Variants in VPS35L observed in about 807,000 individuals in gnomAD.
The protein encoded by VPS35L is VPS35 endosomal protein-sorting factor-like.
A neutral mutation model predicts 133.0 loss-of-function variants in VPS35L; 83 were observed. That is an observed-to-expected ratio of 0.62 (90% CI 0.52 to 0.75). The LOEUF is 0.75. Among genes scored for constraint, VPS35L ranks in the 30% least tolerant of loss-of-function variants. The pLI is 0.00. For missense variants in VPS35L, 1,083 were observed against 1,206.8 expected (o/e 0.90, Z 1.52); for synonymous variants, 423 against 449.9 (o/e 0.94, Z 0.76).
At chr16:19,619,716 A>T (rs533960307) in intron 14 of VPS35L, among the ~76,000 whole-genome samples, 13 of 152,194 alleles carry the variant, frequency 8.5e-5, no homozygotes, top group South Asian at 4.1e-4. Context: ...ATAAGTGATT[A>T]AAAAATTAGG....
intron 7 of VPS35L, among the ~76,000 whole-genome samples, chr16:19,590,382 C>T (rs1332347644): frequency 6.6e-6 from 1 of 152,080 alleles, no homozygotes. Context: ...AATGTCTGAA[C>T]ATCTTTTTTT....
chr16:19,668,108 G>A (rs1286522592), intron 26 of VPS35L, among the ~76,000 whole-genome samples: 2 of 152,126 alleles, frequency 1.3e-5, no homozygotes, highest in Non-Finnish European at 2.9e-5. Context: ...TTCTTCCCAG[G>A]AAAGTGAGCA....
chr16:19,694,830 A>G (rs918885041), intron 29 of VPS35L, among the ~76,000 whole-genome samples: 1 of 150,902 alleles, frequency 6.6e-6, no homozygotes, highest in Non-Finnish European at 1.5e-5. Context: ...ACATGGTGAA[A>G]CCCCACCTCT....
At chr16:19,660,063 C>T (rs1974429780) in intron 26 of VPS35L, among the ~76,000 whole-genome samples, 1 of 152,084 alleles carries the variant, frequency 6.6e-6, no homozygotes, top group Non-Finnish European at 1.5e-5. Flanking sequence ...CGGTGGCTCA[C>T]GCCTGTAATC....
intron 23 of VPS35L, 81 bp from the exon 24 acceptor site, chr16:19,647,703 T>C: frequency 9.3e-7 from 1 of 1,074,840 alleles, no homozygotes. Context: ...GTGGCAATAA[T>C]AATATTTCAG....
At chr16:19,578,597 G>A in intron 5 of VPS35L, 1 of 337,036 alleles carries the variant, frequency 3.0e-6, no homozygotes, top group South Asian at 2.4e-5. Context: ...CTCGAAGAGA[G>A]GGCTTTGAAG....
rs1367908933 is a variant in VPS35L, at chr16:19,617,123, A to G, written c.1224+315A>G. ...GTAATCCCAGCACTTTGCAAGGCCA[A>G]GGTGGGAGGATCACTTGATTTTAGG... On this transcript the variant is annotated intron_variant, in intron 14 of 30. Coordinates refer to ENST00000417362, the MANE Select transcript of VPS35L (RefSeq NM_020314.7). 2.4e-5 allele frequency: 14 copies of G among 572,000 alleles called. No homozygotes were observed. In the South Asian group the frequency reaches 3.0e-4, roughly 12 times the overall value. The allele number at this position is 572,000 out of a possible 1,614,324, so 35.4% of individuals were successfully genotyped here. A position where few individuals can be genotyped will look rare whatever the true frequency, so the allele number is the denominator to read the frequency against.
At chr16:19,570,883 A>ATTTTT (rs1366924758) in intron 3 of VPS35L, among the ~76,000 whole-genome samples, 13 of 67,754 alleles carry the variant, frequency 1.9e-4, no homozygotes, top group African/African-American at 8.7e-4. Flanking sequence ...ATATATATAT[A>ATTTTT]TATATATTTT....
intron 24 of VPS35L, among the ~76,000 whole-genome samples, chr16:19,649,158 C>G (rs779387004): frequency 2.0e-5 from 3 of 151,638 alleles, no homozygotes; most frequent in Non-Finnish European, 4.4e-5. Flanking sequence ...CCGGCTAATT[C>G]TTTGTATTTT....
intron 1 of VPS35L, among the ~76,000 whole-genome samples, chr16:19,558,535 T>C (rs1970930409): frequency 6.6e-6 from 1 of 152,222 alleles, no homozygotes; most frequent in Non-Finnish European, 1.5e-5. Context: ...TTGCTATCCC[T>C]GCTATATTTT....
At position 19,570,856 on chromosome 16, in the gene VPS35L, TA is replaced by T. The variant is rs1361382009; in HGVS notation, c.285+1266del. Among the ~76,000 whole-genome samples, 15 of 43,868 alleles carry T rather than the reference TA, an allele frequency of 3.4e-4. 1 individual carries two copies. Among genetic ancestry groups the T allele is most frequent in the African/African-American group, 1.2e-3 (5 of 4,138 alleles). The allele number at this position is 43,868 out of a possible 152,430, so 28.8% of individuals were successfully genotyped here. On this transcript the variant is annotated intron_variant, in intron 3 of 30. Transcript: ENST00000417362. ...TTTCATATATATATATATATATATA[TA>T]TATATATATATATATATATATATAT...
chr16:19,596,727 G>A (rs1972227440), intron 8 of VPS35L, among the ~76,000 whole-genome samples: 5 of 151,478 alleles, frequency 3.3e-5, no homozygotes, highest in Admixed American at 1.3e-4. Flanking sequence ...GTGGCTCTGT[G>A]AAATGAAAAG....
At chr16:19,566,218 G>A (rs957875371) in intron 2 of VPS35L, among the ~76,000 whole-genome samples, 18 of 152,134 alleles carry the variant, frequency 1.2e-4, no homozygotes, top group African/African-American at 3.1e-4. Flanking sequence ...ATTCTTGGCC[G>A]GGCTCCATGC....
rs1597347401 is a variant in VPS35L at position 19,601,088 on chromosome 16, C to G, written c.725-576C>G. 1.3e-5 allele frequency among the ~76,000 whole-genome samples: 2 copies of G among 152,064 alleles called. 1 individual carries two copies. Among genetic ancestry groups the G allele is most frequent in the African/African-American group, 4.8e-5 (2 of 41,406 alleles). ...AAACTACAGGCGTGCACTGCCATGC[C>G]TGGCTAATTTTTAAATTTTTTGTAC... On this transcript the variant is annotated intron_variant, in intron 8 of 30. Coordinates refer to ENST00000417362, the MANE Select transcript of VPS35L (RefSeq NM_020314.7).
chr16:19,669,321 G>T (rs181993927), intron 27 of VPS35L, 22 bp downstream of exon 27: 1 of 1,588,260 alleles, frequency 6.3e-7, no homozygotes, highest in Non-Finnish European at 8.6e-7. Flanking sequence ...CAGCAGAACC[G>T]CAGGACATGT....
intron 26 of VPS35L, among the ~76,000 whole-genome samples, chr16:19,662,657 T>TG (rs1555505730): frequency 6.7e-6 from 1 of 148,208 alleles, no homozygotes; most frequent in East Asian, 2.1e-4. Flanking sequence ...GCTATTTAGA[T>TG]AAAACCCCCC....
At position 19,691,364 on chromosome 16, in the gene VPS35L, G is replaced by A. The variant is rs753385870; in HGVS notation, c.2539G>A (p.Asp847Asn). Residue 847 changes from aspartate to asparagine, a missense_variant, in exon 29 of 31, where the codon GAC (aspartate) becomes AAC (asparagine). Asp to Asn is a conservative substitution (Grantham distance 23). Coordinates refer to ENST00000417362, the MANE Select transcript of VPS35L (RefSeq NM_020314.7). ...LYHIDKVDSN[D>N]SLYGGDSKFL... ...TGTTTGTTCAACAGTGGACTCCAAC[G>A]ACAGCCTCTACGGGGGAGACTCCAA... 3.0e-5 allele frequency: 48 copies of A among 1,613,354 alleles called. No homozygotes were observed. The highest frequency in any genetic ancestry group is 4.0e-5 in the Non-Finnish European group (47 of 1,179,540).
chr16:19,658,804 G>A (rs574000699), intron 26 of VPS35L, among the ~76,000 whole-genome samples: 3 of 152,220 alleles, frequency 2.0e-5, no homozygotes, highest in South Asian at 2.1e-4. Flanking sequence ...AAAACAGTAC[G>A]TCTGGAAGGA....
At position 19,581,567 on chromosome 16, in the gene VPS35L, G is replaced by T. The variant is rs375711713; in HGVS notation, c.553G>T (p.Val185Leu). The stretch of plus-strand genomic sequence containing the variant: ...GTTGAACTTGACTCAGCAGGATTAC[G>T]TGAACCGCATAGAGGAGCTCAACCA... ...ELLNLTQQDY[V>L]NRIEELNQSL... Residue 185 changes from valine (V) to leucine (L), a missense_variant, in exon 7 of 31, where the codon GTG becomes TTG. Val to Leu is a conservative substitution (Grantham distance 32). Transcript: ENST00000417362. The T allele has an allele frequency of 6.2e-7, 1 of 1,612,730 alleles. No individual in the cohort carries two copies. Among genetic ancestry groups the T allele is most frequent in the South Asian group, 1.1e-5 (1 of 90,866 alleles).
Sources: gnomAD v4.1 joint callset for allele counts (sites outside exome capture counted in the v4.1 genomes callset) on GRCh38, gnomAD v4.1.1 for gene constraint, MANE v1.5 for transcripts, NCBI Gene and HGNC (gene_info 2026-07-23, HGNC 2026-07-21) for gene names.